The following SLC30A8 variants were observed in gnomAD, a reference collection of about 807,000 sequenced individuals.
The protein encoded by SLC30A8 is proton-coupled zinc antiporter SLC30A8.
Under a neutral mutation model 36.9 loss-of-function variants are expected in SLC30A8, and 27 were observed. The ratio of observed to expected loss-of-function variants is 0.73; its 90% confidence interval spans 0.54 to 1.01. The LOEUF is 1.01. SLC30A8 is among the 50% of genes least tolerant of loss of function. The pLI is 0.00. For missense variants in SLC30A8, 439 were observed against 452.0 expected, an observed-to-expected ratio of 0.97 and a Z score of 0.26; for synonymous variants, 164 against 172.4, an observed-to-expected ratio of 0.95 and a Z score of 0.38.
chr8:117,103,601 A>G (rs1819829331), intron 2 of SLC30A8, among the ~76,000 whole-genome samples: 1 of 152,158 alleles, frequency 6.6e-6, no homozygotes, highest in South Asian at 2.1e-4. Flanking sequence ...CACCTTCCCA[A>G]GTAGCTGGGA....
intron 1 of SLC30A8, among the ~76,000 whole-genome samples, chr8:116,961,499 A>C (rs1325085429): frequency 6.6e-6 from 1 of 152,014 alleles, no homozygotes; most frequent in Admixed American, 6.6e-5. Flanking sequence ...AACAGAATAA[A>C]AGACATGAAT....
chr8:116,979,385 G>T (rs1815179261), intron 1 of SLC30A8, among the ~76,000 whole-genome samples: 1 of 152,146 alleles, frequency 6.6e-6, no homozygotes, highest in African/African-American at 2.4e-5. Context: ...AGCAGAGAAG[G>T]GATAGAGACT....
intron 1 of SLC30A8, among the ~76,000 whole-genome samples, chr8:117,144,807 G>C (rs1053374122): frequency 2.6e-5 from 4 of 152,082 alleles, no homozygotes; most frequent in African/African-American, 9.7e-5. Context: ...TGTGGTTTAG[G>C]TAGAATTTTC....
At chr8:117,036,116 C>CG (rs922068824) in intron 1 of SLC30A8, among the ~76,000 whole-genome samples, 1 of 152,282 alleles carries the variant, frequency 6.6e-6, no homozygotes, top group Admixed American at 6.5e-5. Flanking sequence ...AATTCCCCCC[C>CG]CCAGAAAATG....
upstream of SLC30A8, among the ~76,000 whole-genome samples, chr8:117,134,650 A>C (rs572644191): frequency 3.6e-4 from 55 of 152,088 alleles, no homozygotes; most frequent in Non-Finnish European, 5.6e-4. Context: ...GCTGTTATTT[A>C]CGTAGAAGCA....
intron 2 of SLC30A8, among the ~76,000 whole-genome samples, chr8:117,092,218 CA>C (rs544845251): frequency 1.1e-4 from 16 of 152,248 alleles, no homozygotes; most frequent in African/African-American, 3.9e-4. Flanking sequence ...TTACGAAATA[CA>C]AATTATATTT....
At chr8:116,960,625 A>G (rs930364082) in intron 1 of SLC30A8, among the ~76,000 whole-genome samples, 2 of 152,250 alleles carry the variant, frequency 1.3e-5, no homozygotes, top group African/African-American at 4.8e-5. Context: ...TTATTTATAC[A>G]TCCAGTTATT....
At chr8:116,976,818 CTTTCTTTT>C (rs759924756) in intron 1 of SLC30A8, among the ~76,000 whole-genome samples, 2 of 134,642 alleles carry the variant, frequency 1.5e-5, no homozygotes, top group African/African-American at 6.3e-5. Context: ...TTCTTTCTTT[CTTTCTTTT>C]TTTTTTTTTT....
At chr8:117,151,075 C>A (rs1822161488) in intron 2 of SLC30A8, among the ~76,000 whole-genome samples, 1 of 152,188 alleles carries the variant, frequency 6.6e-6, no homozygotes, top group Non-Finnish European at 1.5e-5. Context: ...TTTCCTCCAA[C>A]ATTCCATACC....
At chr8:116,964,218 A>G (rs1456672615) in intron 1 of SLC30A8, among the ~76,000 whole-genome samples, 1 of 152,226 alleles carries the variant, frequency 6.6e-6, no homozygotes, top group Non-Finnish European at 1.5e-5. Context: ...AGGCATTAAA[A>G]AAGAGTACTA....
intron 2 of SLC30A8, among the ~76,000 whole-genome samples, chr8:117,089,697 A>G (rs2130827008): frequency 6.6e-6 from 1 of 152,222 alleles, no homozygotes; most frequent in East Asian, 1.9e-4. Context: ...TGAGCTTCCT[A>G]CTACACAAAT....
intron 2 of SLC30A8, among the ~76,000 whole-genome samples, chr8:117,125,529 A>T (rs1047786104): frequency 1.3e-5 from 2 of 151,998 alleles, no homozygotes; most frequent in Admixed American, 6.6e-5. Context: ...TGGCACTATG[A>T]GGGACCTCCA....
At chr8:117,024,263 C>T (rs377349140) in intron 1 of SLC30A8, among the ~76,000 whole-genome samples, 17 of 152,288 alleles carry the variant, frequency 1.1e-4, no homozygotes, top group East Asian at 7.7e-4. Flanking sequence ...GAAATACTGT[C>T]TTTAGGTATT....
At chr8:117,064,037 G>C (rs971342382) in intron 2 of SLC30A8, among the ~76,000 whole-genome samples, 2 of 151,108 alleles carry the variant, frequency 1.3e-5, no homozygotes, top group Non-Finnish European at 2.9e-5. Flanking sequence ...CGCTCTTGTT[G>C]CCCAGGTTGG....
chr8:117,000,228 A>G (rs1341801855), intron 1 of SLC30A8, among the ~76,000 whole-genome samples: 1 of 152,170 alleles, frequency 6.6e-6, no homozygotes, highest in African/African-American at 2.4e-5. Flanking sequence ...GACTGGGGCC[A>G]GTGAGGTGGG....
chr8:117,146,258 A>T (rs1821891307), intron 1 of SLC30A8, among the ~76,000 whole-genome samples: 1 of 152,198 alleles, frequency 6.6e-6, no homozygotes, highest in African/African-American at 2.4e-5. Flanking sequence ...ATTATGCATC[A>T]ATAAAAATTG....
upstream of SLC30A8, among the ~76,000 whole-genome samples, chr8:117,131,742 T>A (rs900242761): frequency 2.0e-5 from 3 of 152,020 alleles, no homozygotes; most frequent in Non-Finnish European, 2.9e-5. Flanking sequence ...CATGGCCCAG[T>A]GTATAGAAAC....
chr8:117,026,144 C>A (rs1816864376), intron 1 of SLC30A8, among the ~76,000 whole-genome samples: 1 of 152,168 alleles, frequency 6.6e-6, no homozygotes, highest in African/African-American at 2.4e-5. Flanking sequence ...TGATTGCAAT[C>A]CCCTGGCTGA....
At chr8:117,014,220 T>A (rs1816435830) in intron 1 of SLC30A8, among the ~76,000 whole-genome samples, 1 of 152,202 alleles carries the variant, frequency 6.6e-6, no homozygotes, top group Non-Finnish European at 1.5e-5. Context: ...CAAATAAATA[T>A]TCCCATTAGT....
Sources: allele counts gnomAD v4.1 joint callset (sites outside exome capture counted in the v4.1 genomes callset), GRCh38; gene constraint gnomAD v4.1.1; transcripts MANE v1.5; gene names NCBI Gene and HGNC (gene_info 2026-07-23, HGNC 2026-07-21).